Variants in PKD1L1 observed in about 807,000 individuals in gnomAD.
The protein encoded by PKD1L1 is polycystin 1 like 1, transient receptor potential channel interacting, also known as polycystin-1-like protein 1.
In PKD1L1, 236 loss-of-function variants were observed where a neutral mutation model predicts 323.4. The ratio of observed to expected loss-of-function variants is 0.73; its 90% CI spans 0.66 to 0.81. The LOEUF (loss-of-function observed/expected upper bound fraction) is 0.81, where lower values mean the gene tolerates loss of function less well. Ranked by LOEUF, PKD1L1 falls within the 40% of genes least tolerant of loss-of-function variation. The pLI is 0.00. For missense variants in PKD1L1, 3,320 were observed against 3,508.0 expected (o/e 0.95, Z 1.35); for synonymous variants, 1,344 against 1,335.0 (o/e 1.01, Z -0.15).
chr7:47,879,903 A>G (rs886474057), intron 21 of PKD1L1, among the ~76,000 whole-genome samples: 16 of 150,452 alleles, frequency 1.1e-4, no homozygotes, highest in Non-Finnish European at 2.1e-4. Context: ...ACTGCACTCT[A>G]GCCTGGGCAA....
chr7:47,875,963 C>A (rs965149928), intron 23 of PKD1L1, 134 bp downstream of exon 23: 7 of 891,228 alleles, frequency 7.9e-6, no homozygotes, highest in Non-Finnish European at 9.6e-6. Flanking sequence ...AGATAATAAA[C>A]CTAAACTGAA....
the PKD1L1 span, among the ~76,000 whole-genome samples, chr7:47,958,352 T>G: frequency 6.6e-6 from 1 of 152,150 alleles, no homozygotes; most frequent in South Asian, 2.1e-4. Context: ...AAGTACAGTC[T>G]TTCAATAAAC....
At chr7:47,918,923 A>G (rs868397705) in intron 7 of PKD1L1, among the ~76,000 whole-genome samples, 2 of 152,214 alleles carry the variant, frequency 1.3e-5, no homozygotes, top group African/African-American at 4.8e-5. Flanking sequence ...AGTCTGAAAG[A>G]GCACAAACAG....
chr7:47,792,063 T>G (rs1186840955), intron 56 of PKD1L1, among the ~76,000 whole-genome samples: 2 of 152,244 alleles, frequency 1.3e-5, no homozygotes, highest in African/African-American at 4.8e-5. Context: ...GCACGTTTTG[T>G]CCTTCAGTCC....
chr7:47,809,865 A>C, intron 50 of PKD1L1: 1 of 275,388 alleles, frequency 3.6e-6, no homozygotes, highest in Non-Finnish European at 6.8e-6. Context: ...ATCTACGGCC[A>C]CCAGGCCTCC....
intron 56 of PKD1L1, among the ~76,000 whole-genome samples, chr7:47,790,524 G>GT (rs1562930820): frequency 6.9e-6 from 1 of 145,750 alleles, no homozygotes; most frequent in Non-Finnish European, 1.5e-5. Context: ...GTAGAGACAG[G>GT]GTTTCACTGT....
chr7:47,844,518 T>C (rs995155294), intron 33 of PKD1L1, among the ~76,000 whole-genome samples: 7 of 152,330 alleles, frequency 4.6e-5, no homozygotes, highest in African/African-American at 1.7e-4. Context: ...AGTCTAAATA[T>C]AACCATTTCA....
intron 56 of PKD1L1, among the ~76,000 whole-genome samples, chr7:47,791,999 T>C (rs968347990): frequency 6.6e-6 from 1 of 152,224 alleles, no homozygotes; most frequent in African/African-American, 2.4e-5. Flanking sequence ...CCACCAATAG[T>C]TCCTCCCCTA....
At chr7:47,827,798 C>A (rs1785267473) in intron 44 of PKD1L1, among the ~76,000 whole-genome samples, 1 of 152,112 alleles carries the variant, frequency 6.6e-6, no homozygotes, top group Non-Finnish European at 1.5e-5. Context: ...TGGGCACTGG[C>A]ACAGTATTTT....
chr7:47,855,169 C>T lies in PKD1L1; in HGVS notation c.4687G>A (p.Glu1563Lys). The T allele has an allele frequency of 6.2e-7, 1 of 1,614,118 alleles. No homozygotes were observed. The highest frequency in any genetic ancestry group is 8.5e-7 in the Non-Finnish European group (1 of 1,179,986). ...GCTCTCCTTACCAGGCCATCCTCCT[C>T]CCCAAACTCGACCATCACGGGTTTC... Reference protein sequence around the residue: ...LRKPVMVEFGEEDGLDNRRNK... With the variant: ...LRKPVMVEFGKEDGLDNRRNK... Residue 1563 changes from glutamate to lysine, a missense_variant, in exon 29 of 57, where the codon GAG (glutamate) becomes AAG (lysine). Coordinates refer to ENST00000289672, the MANE Select transcript of PKD1L1 (RefSeq NM_138295.5).
At chr7:47,920,961 C>A (rs770697229) in intron 7 of PKD1L1, among the ~76,000 whole-genome samples, 3 of 152,088 alleles carry the variant, frequency 2.0e-5, no homozygotes, top group Non-Finnish European at 4.4e-5. Flanking sequence ...ATTGGAAAAA[C>A]CCTTCTAGAC....
At chr7:47,917,686 C>T (rs1265952676) in intron 7 of PKD1L1, among the ~76,000 whole-genome samples, 1 of 152,132 alleles carries the variant, frequency 6.6e-6, no homozygotes, top group Non-Finnish European at 1.5e-5. Flanking sequence ...TCAAACAAAA[C>T]AATTATCAGA....
intron 45 of PKD1L1, among the ~76,000 whole-genome samples, chr7:47,824,250 C>T (rs1043704841): frequency 1.3e-5 from 2 of 152,072 alleles, no homozygotes; most frequent in African/African-American, 4.8e-5. Context: ...TTTTAAAAAC[C>T]CACATGATTC....
At chr7:47,922,059 C>T (rs1045165845) in intron 7 of PKD1L1, among the ~76,000 whole-genome samples, 2 of 152,202 alleles carry the variant, frequency 1.3e-5, no homozygotes, top group African/African-American at 2.4e-5. Flanking sequence ...ATTGCAGGCA[C>T]GTGCTGCCAC....
chr7:47,784,715 C>T (rs1347149141), intron 56 of PKD1L1, among the ~76,000 whole-genome samples: 1 of 152,116 alleles, frequency 6.6e-6, no homozygotes, highest in Non-Finnish European at 1.5e-5. Flanking sequence ...TCAGGTGATC[C>T]GCCCATCTCA....
intron 56 of PKD1L1, 80 bp from the exon 57 acceptor site, chr7:47,775,246 C>T: frequency 6.4e-7 from 1 of 1,559,352 alleles, no homozygotes; most frequent in African/African-American, 1.4e-5. Flanking sequence ...AGAAAGGCAG[C>T]AAGTGCTGAT....
chr7:47,913,438 T>A (rs1261462670), intron 8 of PKD1L1, among the ~76,000 whole-genome samples: 1 of 152,190 alleles, frequency 6.6e-6, no homozygotes, highest in Admixed American at 6.6e-5. Context: ...TATTGAAGGT[T>A]GGGCCTTCAG....
intron 4 of PKD1L1, among the ~76,000 whole-genome samples, chr7:47,934,764 G>T (rs918751038): frequency 1.3e-5 from 2 of 152,128 alleles, no homozygotes; most frequent in African/African-American, 2.4e-5. Context: ...TTGGGGGTGG[G>T]GGGATTGCGC....
chr7:47,884,543 A>G, intron 19 of PKD1L1, 55 bp downstream of exon 19: 1 of 1,490,144 alleles, frequency 6.7e-7, no homozygotes, highest in South Asian at 1.1e-5. Flanking sequence ...GATTGCAGAA[A>G]GGCTGTGGAG....
Sources: allele counts gnomAD v4.1 joint callset (sites outside exome capture counted in the v4.1 genomes callset), GRCh38; gene constraint gnomAD v4.1.1; transcripts MANE v1.5; gene names NCBI Gene and HGNC (gene_info 2026-07-23, HGNC 2026-07-21).